PRH1: variants seen among roughly 807,000 people sequenced by gnomAD.
PRH1 encodes the protein salivary acidic proline-rich phosphoprotein 1/2.
Under a neutral mutation model 7.9 loss-of-function variants are expected in PRH1, and 7 were observed. The observed-to-expected ratio is 0.89, with a 90% CI of 0.50 to 1.67. The LOEUF (loss-of-function observed/expected upper bound fraction) is 1.67, where lower values mean the gene tolerates loss of function less well. Ranked by LOEUF, PRH1 falls within the 40% of genes most tolerant of loss-of-function variation. The pLI, the probability that PRH1 is intolerant of heterozygous loss-of-function variation, is 0.00. For synonymous variants in PRH1, 45 were observed against 80.8 expected, an observed-to-expected ratio of 0.56 and a Z score of 2.38; for missense variants, 109 against 223.6, an observed-to-expected ratio of 0.49 and a Z score of 3.27.
At chr12:11,048,330 T>C (rs1476490694), upstream of PRH1, 4 of 270,354 alleles carry the variant, frequency 1.5e-5, no homozygotes, top group Non-Finnish European at 3.0e-5. Flanking sequence ...TGTGAATCTA[T>C]GGAGTTGAGG....
At chr12:10,966,597 G>C (rs1192731764) in intron 2 of PRH1, among the ~76,000 whole-genome samples, 2 of 152,138 alleles carry the variant, frequency 1.3e-5, no homozygotes, top group Non-Finnish European at 2.9e-5. Flanking sequence ...TATCACCAGA[G>C]CCATCCAGCA....
intron 1 of PRH1, among the ~76,000 whole-genome samples, chr12:11,038,028 T>C (rs1381319488): frequency 2.0e-5 from 3 of 152,244 alleles, no homozygotes; most frequent in Non-Finnish European, 4.4e-5. Flanking sequence ...GGCAACAGAG[T>C]GAGACGCTGT....
chr12:11,059,603 T>C (rs977095642), intron 1 of PRH1, among the ~76,000 whole-genome samples: 2 of 135,930 alleles, frequency 1.5e-5, no homozygotes, highest in African/African-American at 5.2e-5. Flanking sequence ...CTAAAAATAT[T>C]GTAATAGGCG....
At chr12:11,016,278 G>A (rs1941288831) in intron 1 of PRH1, among the ~76,000 whole-genome samples, 1 of 152,142 alleles carries the variant, frequency 6.6e-6, no homozygotes, top group African/African-American at 2.4e-5. Context: ...AGGTGAAGTG[G>A]TACACTTAAA....
intron 1 of PRH1, among the ~76,000 whole-genome samples, chr12:11,130,251 A>G (rs779095486): frequency 2.6e-5 from 4 of 152,198 alleles, no homozygotes; most frequent in Non-Finnish European, 4.4e-5. Context: ...GAAGTAAAAT[A>G]CCAGAAGAAA....
upstream of PRH1, among the ~76,000 whole-genome samples, chr12:11,051,689 T>C (rs186868182): frequency 2.2e-3 from 329 of 152,342 alleles, 2 homozygotes; most frequent in South Asian, 0.012. Flanking sequence ...TATGCAACCC[T>C]AAACTCAATA....
intron 2 of PRH1, chr12:10,930,410 C>T: frequency 6.7e-7 from 1 of 1,501,690 alleles, no homozygotes. Flanking sequence ...TGGCTAATAT[C>T]AGTGCCCCAG....
At chr12:11,037,258 TC>T (rs1942469835) in intron 1 of PRH1, among the ~76,000 whole-genome samples, 1 of 152,356 alleles carries the variant, frequency 6.6e-6, no homozygotes, top group East Asian at 1.9e-4. Flanking sequence ...AAATGCTTTT[TC>T]CCCTTCTTAG....
At chr12:10,896,127 C>T (rs1949641400) in intron 2 of PRH1, among the ~76,000 whole-genome samples, 1 of 152,180 alleles carries the variant, frequency 6.6e-6, no homozygotes, top group Non-Finnish European at 1.5e-5. Flanking sequence ...TTCCCTGCTA[C>T]TATTGACTCT....
rs188114724 is a variant in PRH1, at chr12:11,075,942, G to A, written n.124-28754C>T. Among the ~76,000 whole-genome samples, 17 of 120,798 alleles carry A rather than the reference G, an allele frequency of 1.4e-4. 4 individuals are homozygous for A. Among genetic ancestry groups the A allele is most frequent in the Admixed American group, 1.1e-3 (13 of 12,060 alleles). 79.2% of individuals were successfully genotyped at this position (120,798 alleles called of 152,430 possible). A position where few individuals can be genotyped will look rare whatever the true frequency, so the allele number is the denominator to read the frequency against. On this transcript the variant is annotated intron_variant and non_coding_transcript_variant, in intron 1 of 4. Transcript: ENST00000541977. ...TTCTTTGTGCTGGCTTTTAGATCCC[G>A]TGAGTCCAGACAAAGCAAGACAGAT...
rs1490774138 is a variant in PRH1 at position 11,106,210 on chromosome 12, G to T, written n.124-59022C>A. ...CCGCCTCGGCCTCCCAAAGTGCTGG[G>T]ATTACAGGCGTGAGCCACCGCGCCC... On this transcript the variant is annotated intron_variant and non_coding_transcript_variant, in intron 1 of 4. Transcript: ENST00000541977. Among the ~76,000 whole-genome samples the T allele has an allele frequency of 4.3e-5, 2 of 46,722 alleles. 1 individual carries two copies. Among genetic ancestry groups the T allele is most frequent in the Non-Finnish European group, 1.3e-4 (2 of 15,422 alleles). The allele number at this position is 46,722 out of a possible 152,430, so 30.7% of individuals were successfully genotyped here. A position where few individuals can be genotyped will look rare whatever the true frequency, so the allele number is the denominator to read the frequency against.
chr12:10,892,026 T>C (rs1243831785), intron 2 of PRH1: 2 of 152,228 alleles, frequency 1.3e-5, no homozygotes, highest in East Asian at 3.8e-4. Context: ...CTCTTTGCCA[T>C]GACCTGGTCT....
At chr12:11,055,460 T>C (rs1213604946) in intron 1 of PRH1, among the ~76,000 whole-genome samples, 1 of 152,282 alleles carries the variant, frequency 6.6e-6, no homozygotes, top group Non-Finnish European at 1.5e-5. Context: ...GCAGTAATGT[T>C]CTTGTTCCTT....
chr12:11,108,125 C>A (rs186473024), intron 1 of PRH1, among the ~76,000 whole-genome samples: 356 of 152,170 alleles, frequency 2.3e-3, no homozygotes, highest in Middle Eastern at 3.4e-3. Context: ...CTTTTCCAGA[C>A]CAACAAAAGC....
intron 2 of PRH1, among the ~76,000 whole-genome samples, chr12:10,910,919 A>G (rs2135828540): frequency 6.6e-6 from 1 of 152,280 alleles, no homozygotes; most frequent in East Asian, 1.9e-4. Context: ...TTACAAAATA[A>G]TTGCATCATC....
intron 1 of PRH1, among the ~76,000 whole-genome samples, chr12:11,016,349 C>T (rs1226593152): frequency 6.6e-6 from 1 of 152,190 alleles, no homozygotes; most frequent in African/African-American, 2.4e-5. Flanking sequence ...TACTTTTGTA[C>T]CAGACCTCAC....
intron 1 of PRH1, among the ~76,000 whole-genome samples, chr12:11,155,594 C>G (rs1947226268): frequency 6.6e-6 from 1 of 152,122 alleles, no homozygotes; most frequent in Non-Finnish European, 1.5e-5. Flanking sequence ...TTTATAAATA[C>G]AACCTTAATA....
chr12:10,908,808 G>C (rs376987737), intron 2 of PRH1: 63 of 1,613,778 alleles, frequency 3.9e-5, no homozygotes, highest in Non-Finnish European at 5.3e-5. Flanking sequence ...GAAATTCCAA[G>C]TTGTGTTTCT....
At chr12:11,158,069 A>G (rs1378498999) in intron 1 of PRH1, among the ~76,000 whole-genome samples, 2 of 152,216 alleles carry the variant, frequency 1.3e-5, no homozygotes, top group African/African-American at 4.8e-5. Flanking sequence ...ATGATTTACC[A>G]GCTATTTTTT....
Sources: allele counts gnomAD v4.1 joint callset (sites outside exome capture counted in the v4.1 genomes callset), GRCh38; gene constraint gnomAD v4.1.1; transcripts MANE v1.5; gene names NCBI Gene and HGNC (gene_info 2026-07-23, HGNC 2026-07-21).